The following PHACTR1 variants were observed in gnomAD, a reference collection of about 807,000 sequenced individuals.
PHACTR1 encodes phosphatase and actin regulator 1, also known as RPEL repeat containing 1.
Under a neutral mutation model 69.2 loss-of-function variants are expected in PHACTR1, and 16 were observed. The ratio of observed to expected loss-of-function variants is 0.23; its 90% CI spans 0.16 to 0.35. PHACTR1 has a LOEUF of 0.35. PHACTR1 is among the 10% of genes least tolerant of loss of function. The probability of loss-of-function intolerance (pLI) is 1.00; values close to 1 mark genes in which losing one functional copy is unlikely to be tolerated. For synonymous variants in PHACTR1, 312 were observed against 284.5 expected, an observed-to-expected ratio of 1.10 and a Z score of -0.97; for missense variants, 510 against 734.7, an observed-to-expected ratio of 0.69 and a Z score of 3.54.
At chr6:13,206,433 T>C (rs943537239) in intron 8 of PHACTR1, among the ~76,000 whole-genome samples, 7 of 152,142 alleles carry the variant, frequency 4.6e-5, no homozygotes, top group African/African-American at 1.7e-4. Context: ...TTCGTGAAAA[T>C]TGCAACTTCA....
intron 4 of PHACTR1, among the ~76,000 whole-genome samples, chr6:12,826,840 C>A (rs946379616): frequency 2.0e-5 from 3 of 152,190 alleles, no homozygotes; most frequent in Non-Finnish European, 4.4e-5. Flanking sequence ...TATGGGCATG[C>A]TTTGTTCAAT....
chr6:12,928,536 C>A (rs1389583433), intron 4 of PHACTR1, among the ~76,000 whole-genome samples: 1 of 152,200 alleles, frequency 6.6e-6, no homozygotes, highest in Non-Finnish European at 1.5e-5. Flanking sequence ...GCTTCCTCTT[C>A]CGAGTTCACA....
chr6:13,032,904 T>C (rs1030600920), intron 4 of PHACTR1, among the ~76,000 whole-genome samples: 12 of 152,316 alleles, frequency 7.9e-5, no homozygotes, highest in African/African-American at 2.9e-4. Flanking sequence ...CCCAGTGATA[T>C]GAGAGATGTT....
chr6:13,092,279 G>A (rs1813413845), intron 5 of PHACTR1, among the ~76,000 whole-genome samples: 1 of 152,156 alleles, frequency 6.6e-6, no homozygotes, highest in East Asian at 1.9e-4. Flanking sequence ...CTGGGGGTTG[G>A]GGACCCCTGG....
chr6:13,079,504 T>A (rs941959166), intron 5 of PHACTR1, among the ~76,000 whole-genome samples: 4 of 152,088 alleles, frequency 2.6e-5, no homozygotes, highest in African/African-American at 9.7e-5. Context: ...TTTTCTGAGC[T>A]TCTCATTAAT....
At chr6:13,215,898 T>C (rs902201997) in intron 8 of PHACTR1, among the ~76,000 whole-genome samples, 8 of 152,138 alleles carry the variant, frequency 5.3e-5, no homozygotes, top group African/African-American at 1.9e-4. Flanking sequence ...AGTTCCAGAG[T>C]CGTCTTGAAC....
At chr6:13,192,002 C>T (rs1048168525) in intron 7 of PHACTR1, among the ~76,000 whole-genome samples, 4 of 152,172 alleles carry the variant, frequency 2.6e-5, no homozygotes, top group African/African-American at 7.2e-5. Flanking sequence ...GGGCAAAGAG[C>T]GTAGCAAAAT....
chr6:13,117,251 G>A (rs916785771), intron 5 of PHACTR1, among the ~76,000 whole-genome samples: 1 of 152,146 alleles, frequency 6.6e-6, no homozygotes. Context: ...GAGACCACTT[G>A]GTTTCGTTTC....
intron 7 of PHACTR1, among the ~76,000 whole-genome samples, chr6:13,204,023 C>T (rs1005401672): frequency 6.6e-6 from 1 of 152,144 alleles, no homozygotes. Context: ...GTAGAATCCA[C>T]AGGAGAAGTG....
chr6:12,845,052 C>T (rs1319251273), intron 4 of PHACTR1, among the ~76,000 whole-genome samples: 1 of 152,126 alleles, frequency 6.6e-6, no homozygotes, highest in Non-Finnish European at 1.5e-5. Context: ...ATTAATAAAG[C>T]CATAATGGTA....
intron 8 of PHACTR1, among the ~76,000 whole-genome samples, chr6:13,210,183 T>A (rs1040736033): frequency 6.6e-6 from 1 of 152,078 alleles, no homozygotes; most frequent in Admixed American, 6.6e-5. Context: ...AATTTTTTTT[T>A]ATTATAGTTT....
At chr6:12,779,272 T>C (rs796844378) in intron 4 of PHACTR1, among the ~76,000 whole-genome samples, 4 of 152,250 alleles carry the variant, frequency 2.6e-5, no homozygotes, top group African/African-American at 9.6e-5. Flanking sequence ...GAGGCAGAGA[T>C]TGCGGTGAGC....
chr6:12,749,193 C>T (rs536313291), intron 3 of PHACTR1, among the ~76,000 whole-genome samples: 1 of 152,230 alleles, frequency 6.6e-6, no homozygotes, highest in African/African-American at 2.4e-5. Context: ...GCAGCGTAAG[C>T]GCGTTTGGCG....
intron 4 of PHACTR1, among the ~76,000 whole-genome samples, chr6:12,990,385 G>A (rs1391442972): frequency 6.6e-6 from 1 of 152,108 alleles, no homozygotes; most frequent in East Asian, 1.9e-4. Context: ...CCTTTTCATG[G>A]GCAGGAACTG....
intron 3 of PHACTR1, among the ~76,000 whole-genome samples, chr6:12,724,843 G>A (rs139887480): frequency 2.0e-5 from 3 of 152,078 alleles, no homozygotes; most frequent in African/African-American, 4.8e-5. Flanking sequence ...CAATATACTC[G>A]GACATTCAAA....
chr6:13,114,037 TG>T (rs2127917024), intron 5 of PHACTR1, among the ~76,000 whole-genome samples: 1 of 152,306 alleles, frequency 6.6e-6, no homozygotes, highest in East Asian at 1.9e-4. Flanking sequence ...CTAACAGCCA[TG>T]CACAGGGCAG....
chr6:13,189,605 G>A (rs893725521), intron 7 of PHACTR1, among the ~76,000 whole-genome samples: 4 of 152,066 alleles, frequency 2.6e-5, no homozygotes, highest in Non-Finnish European at 5.9e-5. Context: ...TCACAAAGTT[G>A]CCCAGGCTGG....
intron 5 of PHACTR1, among the ~76,000 whole-genome samples, chr6:13,057,628 A>G (rs1305432449): frequency 6.6e-6 from 1 of 152,226 alleles, no homozygotes; most frequent in Non-Finnish European, 1.5e-5. Flanking sequence ...CCTTTATACA[A>G]GGAATAAATT....
In PHACTR1 at chr6:13,287,075, T is replaced by C; in HGVS notation, c.1740T>C (p.Pro580=). 6.2e-7 allele frequency: 1 copy of C among 1,607,026 alleles called. No homozygotes were observed. Among genetic ancestry groups the C allele is most frequent in the South Asian group, 1.1e-5 (1 of 89,420 alleles). Residue 580 remains proline, a synonymous_variant, in exon 15 of 15, where the codon CCT becomes CCC. Transcript: ENST00000332995. ...LSRHLTRFHR[P] is the part of the protein sequence containing the mutation. ...TTTGTTTCCTTAGGTTTCACCGACC[T>C]TAACAGTCGAATTCCTCTTGAGTGC...
Sources: allele counts gnomAD v4.1 joint callset (sites outside exome capture counted in the v4.1 genomes callset), GRCh38; gene constraint gnomAD v4.1.1; transcripts MANE v1.5; gene names NCBI Gene and HGNC (gene_info 2026-07-23, HGNC 2026-07-21).